Variants in BTBD9 observed in about 807,000 individuals in gnomAD.
The protein encoded by BTBD9 is BTB/POZ domain-containing protein 9.
BTBD9 carries 49 observed loss-of-function variants against 64.3 expected under a neutral mutation model. That is an observed-to-expected ratio of 0.76 (90% CI 0.61 to 0.97). The LOEUF (loss-of-function observed/expected upper bound fraction) is 0.97. Among genes scored for constraint, BTBD9 ranks in the 50% least tolerant of loss-of-function variants. The probability of loss-of-function intolerance (pLI) is 0.00; values close to 1 mark genes in which losing one functional copy is unlikely to be tolerated. For synonymous variants in BTBD9, 260 were observed against 274.7 expected, an observed-to-expected ratio of 0.95 and a Z score of 0.53; for missense variants, 598 against 762.1, an observed-to-expected ratio of 0.78 and a Z score of 2.53.
intron 6 of BTBD9, among the ~76,000 whole-genome samples, chr6:38,404,469 G>A (rs1170996508): frequency 6.6e-6 from 1 of 152,118 alleles, no homozygotes; most frequent in East Asian, 1.9e-4. Flanking sequence ...AACAGAGGAT[G>A]CATTCATTAC....
In BTBD9 at chr6:38,262,419, T is replaced by G. The variant is rs150717408; in HGVS notation, c.1455-5903A>C. On this transcript the variant is annotated intron_variant, in intron 8 of 10. Coordinates refer to ENST00000481247, the MANE Select transcript of BTBD9 (RefSeq NM_001099272.2). ...GATATTATATATGTTGTCTCCTCCA[T>G]CTTCCCTTATTCTCATTGTGCAGTT... 1.3e-4 allele frequency among the ~76,000 whole-genome samples: 20 copies of G among 152,156 alleles called. No homozygotes were observed. In the East Asian group the frequency reaches 3.9e-3, roughly 29 times the overall value.
intron 9 of BTBD9, among the ~76,000 whole-genome samples, chr6:38,214,853 A>C (rs748675832): frequency 3.9e-5 from 6 of 152,302 alleles, no homozygotes; most frequent in Non-Finnish European, 5.9e-5. Context: ...TTCCTTTCAG[A>C]CTGTGTTTCA....
chr6:38,455,052 C>A (rs1344110952), intron 6 of BTBD9, among the ~76,000 whole-genome samples: 1 of 152,018 alleles, frequency 6.6e-6, no homozygotes, highest in African/African-American at 2.4e-5. Context: ...ATGAAACAAA[C>A]AAAATAAATA....
At chr6:38,581,881 T>C (rs1776298130) in intron 4 of BTBD9, among the ~76,000 whole-genome samples, 1 of 152,152 alleles carries the variant, frequency 6.6e-6, no homozygotes, top group East Asian at 1.9e-4. Flanking sequence ...CCATTACTAT[T>C]AAGAAAACAT....
chr6:38,177,224 G>A (rs891340111), intron 10 of BTBD9, among the ~76,000 whole-genome samples: 4 of 152,142 alleles, frequency 2.6e-5, no homozygotes, highest in Admixed American at 2.0e-4. Context: ...ATTGACTTAC[G>A]TTTGTCCTAC....
chr6:38,453,635 T>G (rs886793607), intron 6 of BTBD9, among the ~76,000 whole-genome samples: 1 of 152,122 alleles, frequency 6.6e-6, no homozygotes, highest in Non-Finnish European at 1.5e-5. Context: ...AACACCCCCC[T>G]GAGGACAGCC....
At chr6:38,215,662 T>C (rs1187488943) in intron 9 of BTBD9, among the ~76,000 whole-genome samples, 1 of 152,250 alleles carries the variant, frequency 6.6e-6, no homozygotes, top group Admixed American at 6.5e-5. Context: ...AGTTATCAGA[T>C]GATTTACTCA....
chr6:38,406,971 A>G (rs1767197667), intron 6 of BTBD9, among the ~76,000 whole-genome samples: 1 of 152,192 alleles, frequency 6.6e-6, no homozygotes, highest in Non-Finnish European at 1.5e-5. Context: ...AAGTAGCAGA[A>G]CCAGGTCTGG....
chr6:38,227,715 G>A (rs1323027698), intron 9 of BTBD9, among the ~76,000 whole-genome samples: 1 of 152,222 alleles, frequency 6.6e-6, no homozygotes, highest in Non-Finnish European at 1.5e-5. Context: ...ACAGAGCTCT[G>A]AGAGTATAAT....
At chr6:38,239,720 AATCT>A (rs1199853719) in intron 9 of BTBD9, among the ~76,000 whole-genome samples, 2 of 152,194 alleles carry the variant, frequency 1.3e-5, no homozygotes, top group Non-Finnish European at 2.9e-5. Flanking sequence ...ACTTGCTAAT[AATCT>A]ATCTTGTGAA....
intron 6 of BTBD9, among the ~76,000 whole-genome samples, chr6:38,347,409 C>A (rs758048165): frequency 6.6e-6 from 1 of 152,142 alleles, no homozygotes; most frequent in Non-Finnish European, 1.5e-5. Flanking sequence ...ATATCTCACA[C>A]CTTTTGATCA....
chr6:38,554,659 T>C (rs1774941961), intron 6 of BTBD9, among the ~76,000 whole-genome samples: 1 of 152,214 alleles, frequency 6.6e-6, no homozygotes, highest in African/African-American at 2.4e-5. Context: ...ATATATGTTC[T>C]TTTCACAGAT....
chr6:38,545,855 TACAC>T (rs34465570), intron 6 of BTBD9, among the ~76,000 whole-genome samples: 3,869 of 130,578 alleles, frequency 0.03, 92 homozygotes, highest in African/African-American at 0.069. Flanking sequence ...CACACACACA[TACAC>T]ACACACACAC....
At chr6:38,590,892 T>C (rs1015013040) in intron 4 of BTBD9, among the ~76,000 whole-genome samples, 3 of 152,190 alleles carry the variant, frequency 2.0e-5, no homozygotes, top group African/African-American at 4.8e-5. Context: ...CACATTTATA[T>C]CCCTTGAATC....
intron 6 of BTBD9, among the ~76,000 whole-genome samples, chr6:38,393,308 T>C (rs899931370): frequency 1.3e-5 from 2 of 152,246 alleles, no homozygotes; most frequent in Non-Finnish European, 2.9e-5. Flanking sequence ...CTGCATATTC[T>C]GAGGGGAGGA....
chr6:38,420,391 G>C (rs1171378399), intron 6 of BTBD9, among the ~76,000 whole-genome samples: 1 of 152,156 alleles, frequency 6.6e-6, no homozygotes, highest in African/African-American at 2.4e-5. Context: ...GGTAATAGCA[G>C]CAGTGACTCA....
At chr6:38,572,287 C>T (rs940070166) in intron 6 of BTBD9, among the ~76,000 whole-genome samples, 3 of 152,022 alleles carry the variant, frequency 2.0e-5, no homozygotes, top group Non-Finnish European at 4.4e-5. Flanking sequence ...ATAAAGTAGG[C>T]GCTTATTTGT....
intron 6 of BTBD9, among the ~76,000 whole-genome samples, chr6:38,442,353 G>A (rs1769071800): frequency 6.6e-6 from 1 of 152,088 alleles, no homozygotes; most frequent in Non-Finnish European, 1.5e-5. Flanking sequence ...GGGCATGGTG[G>A]TGCCTGCCTG....
At chr6:38,365,758 C>CAAAAAAAAAAA (rs34375597) in intron 6 of BTBD9, among the ~76,000 whole-genome samples, 1 of 115,862 alleles carries the variant, frequency 8.6e-6, no homozygotes. Flanking sequence ...GATCCTGACT[C>CAAAAAAAAAAA]AAAAAAAAAA....
Sources: gnomAD v4.1 joint callset for allele counts (sites outside exome capture counted in the v4.1 genomes callset) on GRCh38, gnomAD v4.1.1 for gene constraint, MANE v1.5 for transcripts, NCBI Gene and HGNC (gene_info 2026-07-23, HGNC 2026-07-21) for gene names.